The following HS3ST4 variants were observed in gnomAD, a reference collection of about 807,000 sequenced individuals.
The protein encoded by HS3ST4 is heparan sulfate glucosamine 3-O-sulfotransferase 4.
Under a neutral mutation model 29.2 loss-of-function variants are expected in HS3ST4, and 17 were observed. The observed-to-expected ratio is 0.58, with a 90% CI of 0.40 to 0.87. HS3ST4 has a LOEUF of 0.87. HS3ST4 is among the 40% of genes least tolerant of loss of function. The pLI is 0.00. For missense variants in HS3ST4, 627 were observed against 634.5 expected, an observed-to-expected ratio of 0.99 and a Z score of 0.13; for synonymous variants, 314 against 285.7, an observed-to-expected ratio of 1.10 and a Z score of -1.00.
chr16:25,802,923 ATATATGTG>A (rs754296971), intron 1 of HS3ST4, among the ~76,000 whole-genome samples: 1,353 of 28,760 alleles, frequency 0.047, 12 homozygotes, highest in Admixed American at 0.085. Flanking sequence ...CTTTTAAGTT[ATATATGTG>A]TGTGTGTGTG....
intron 1 of HS3ST4, among the ~76,000 whole-genome samples, chr16:25,782,282 G>A (rs1272196259): frequency 6.6e-6 from 1 of 152,134 alleles, no homozygotes; most frequent in Non-Finnish European, 1.5e-5. Context: ...GATGAGATTT[G>A]GGTGGGGACA....
intron 1 of HS3ST4, among the ~76,000 whole-genome samples, chr16:26,069,766 C>T (rs1487626624): frequency 1.4e-5 from 2 of 138,744 alleles, no homozygotes; most frequent in African/African-American, 5.4e-5. Context: ...TCCAAGTGTT[C>T]TCATTATTCA....
chr16:26,018,086 C>T (rs1020832019), intron 1 of HS3ST4, among the ~76,000 whole-genome samples: 7 of 152,160 alleles, frequency 4.6e-5, no homozygotes, highest in African/African-American at 1.4e-4. Flanking sequence ...ACACTGCATC[C>T]CATGTCTGTG....
chr16:25,764,947 CA>C lies in HS3ST4; in HGVS notation c.734+71797del, dbSNP rs1333059427. Among the ~76,000 whole-genome samples, 113 of 152,278 alleles carry C rather than the reference CA, an allele frequency of 7.4e-4. 1 individual carries two copies. The highest frequency in any genetic ancestry group is 2.7e-3 in the African/African-American group (112 of 41,546). Reference sequence around the variant, plus strand: ...GAGGCTACCTTCTGATCCTGCTAGCCATTTCCTTTACCTGGAAAAAAAGCTT... The same window carrying C: ...GAGGCTACCTTCTGATCCTGCTAGCCTTTCCTTTACCTGGAAAAAAAGCTT... On this transcript the variant is annotated intron_variant, in intron 1 of 1. Transcript: ENST00000331351.
intron 1 of HS3ST4, among the ~76,000 whole-genome samples, chr16:26,001,484 T>C (rs1348636828): frequency 6.6e-6 from 1 of 152,198 alleles, no homozygotes; most frequent in East Asian, 1.9e-4. Context: ...TATTTATGAA[T>C]ACAAAGTTTA....
intron 1 of HS3ST4, among the ~76,000 whole-genome samples, chr16:26,075,278 C>T (rs771334470): frequency 2.0e-5 from 3 of 152,138 alleles, no homozygotes; most frequent in Non-Finnish European, 4.4e-5. Context: ...GCAATATGGG[C>T]TAGCCAACCT....
chr16:25,797,994 G>A (rs1393898285), intron 1 of HS3ST4, among the ~76,000 whole-genome samples: 1 of 152,172 alleles, frequency 6.6e-6, no homozygotes, highest in Non-Finnish European at 1.5e-5. Flanking sequence ...CAGGCTGGAA[G>A]AGGAGATTTT....
chr16:25,906,698 T>C (rs2141676157), intron 1 of HS3ST4, among the ~76,000 whole-genome samples: 1 of 152,320 alleles, frequency 6.6e-6, no homozygotes, highest in South Asian at 2.1e-4. Flanking sequence ...ACACTAGAAC[T>C]TAGTGTTGAT....
chr16:26,072,112 G>A (rs574239939), intron 1 of HS3ST4, among the ~76,000 whole-genome samples: 3 of 152,264 alleles, frequency 2.0e-5, no homozygotes, highest in East Asian at 1.9e-4. Flanking sequence ...GTGAAACTTC[G>A]GCACCAGGAG....
intron 1 of HS3ST4, among the ~76,000 whole-genome samples, chr16:26,000,148 T>A (rs970004345): frequency 6.6e-6 from 1 of 151,934 alleles, no homozygotes; most frequent in African/African-American, 2.4e-5. Flanking sequence ...CACTCCATTT[T>A]AGCTTAAGTA....
Position 26,137,498 on chromosome 16 carries a change from G to C in HS3ST4, c.*1250G>C, listed in dbSNP as rs1898299638. 6.6e-6 allele frequency: 1 copy of C among 152,160 alleles called. No homozygotes were observed. The highest frequency in any genetic ancestry group is 6.5e-5 in the Admixed American group (1 of 15,282). 9.4% of individuals were successfully genotyped at this position (152,160 alleles called of 1,614,324 possible). A position where few individuals can be genotyped will look rare whatever the true frequency, so the allele number is the denominator to read the frequency against. On this transcript the variant is annotated 3_prime_UTR_variant, in exon 2 of 2. Coordinates refer to ENST00000331351, the MANE Select transcript of HS3ST4 (RefSeq NM_006040.3). ...CTGAATGAAGTGTCCCTTCCCATCA[G>C]TTTGATTCAATTAAAATGCATCATT...
chr16:26,071,517 T>C (rs1426037480), intron 1 of HS3ST4, among the ~76,000 whole-genome samples: 1 of 152,206 alleles, frequency 6.6e-6, no homozygotes, highest in Non-Finnish European at 1.5e-5. Context: ...TAAAAAATCA[T>C]GACATGCCAA....
At chr16:26,028,761 T>C (rs1219961134) in intron 1 of HS3ST4, among the ~76,000 whole-genome samples, 1 of 152,222 alleles carries the variant, frequency 6.6e-6, no homozygotes, top group Non-Finnish European at 1.5e-5. Context: ...TGTTGACATA[T>C]ATATTGATTG....
intron 1 of HS3ST4, among the ~76,000 whole-genome samples, chr16:25,722,196 T>A (rs2141589944): frequency 6.6e-6 from 1 of 152,308 alleles, no homozygotes; most frequent in African/African-American, 2.4e-5. Flanking sequence ...GTCCTAAAAT[T>A]AACTTGCTAC....
At chr16:26,024,262 A>G (rs1433816407) in intron 1 of HS3ST4, among the ~76,000 whole-genome samples, 1 of 151,036 alleles carries the variant, frequency 6.6e-6, no homozygotes, top group Non-Finnish European at 1.5e-5. Context: ...TCTGTAAAGC[A>G]CTTAGCTCAG....
At chr16:25,982,875 T>C (rs1333911197) in intron 1 of HS3ST4, among the ~76,000 whole-genome samples, 3 of 152,202 alleles carry the variant, frequency 2.0e-5, no homozygotes, top group African/African-American at 4.8e-5. Flanking sequence ...TTTAAAAACC[T>C]GTGTCTCCAG....
At chr16:25,730,479 CTTCCTTCT>C (rs1441425820) in intron 1 of HS3ST4, among the ~76,000 whole-genome samples, 1 of 137,940 alleles carries the variant, frequency 7.2e-6, no homozygotes, top group Non-Finnish European at 1.5e-5. Context: ...TCCTTCCTTC[CTTCCTTCT>C]TTCCTTCTCT....
At chr16:26,085,629 G>A (rs1211899470) in intron 1 of HS3ST4, among the ~76,000 whole-genome samples, 1 of 152,100 alleles carries the variant, frequency 6.6e-6, no homozygotes. Context: ...CCAATGTTTT[G>A]GGAGGCCCAG....
chr16:25,764,482 C>G (rs1041474638), intron 1 of HS3ST4, among the ~76,000 whole-genome samples: 3 of 152,162 alleles, frequency 2.0e-5, no homozygotes, highest in African/African-American at 7.2e-5. Flanking sequence ...TGTGTGCCTG[C>G]AACAGTGTGC....
Sources: allele counts gnomAD v4.1 joint callset (sites outside exome capture counted in the v4.1 genomes callset), GRCh38; gene constraint gnomAD v4.1.1; transcripts MANE v1.5; gene names NCBI Gene and HGNC (gene_info 2026-07-23, HGNC 2026-07-21).